MAST4: variants seen among roughly 807,000 people sequenced by gnomAD.
MAST4 encodes microtubule associated serine/threonine kinase family member 4.
A neutral mutation model predicts 162.7 loss-of-function variants in MAST4; 89 were observed. The ratio of observed to expected loss-of-function variants is 0.55; its 90% CI spans 0.46 to 0.65. The LOEUF is 0.65. Among genes scored for constraint, MAST4 ranks in the 30% least tolerant of loss-of-function variants. The probability of loss-of-function intolerance (pLI) is 0.00; values close to 1 mark genes in which losing one functional copy is unlikely to be tolerated. For synonymous variants in MAST4, 1,479 were observed against 1,361.1 expected (o/e 1.09, Z -1.91); for missense variants, 3,153 against 3,374.0 (o/e 0.93, Z 1.62).
chr5:67,092,842 G>A (rs962997737), intron 6 of MAST4, among the ~76,000 whole-genome samples: 4 of 121,864 alleles, frequency 3.3e-5, no homozygotes, highest in African/African-American at 1.9e-4. Flanking sequence ...ATTGGCTCTG[G>A]TTGTCATTTC....
At chr5:66,948,883 A>ATATATTAT (rs1744342428) in intron 4 of MAST4, among the ~76,000 whole-genome samples, 1 of 152,138 alleles carries the variant, frequency 6.6e-6, no homozygotes, top group Non-Finnish European at 1.5e-5. Context: ...ACTTAATATA[A>ATATATTAT]AACAGTGACT....
At chr5:66,786,881 A>G (rs866043424) in intron 2 of MAST4, among the ~76,000 whole-genome samples, 62 of 152,322 alleles carry the variant, frequency 4.1e-4, no homozygotes, top group African/African-American at 1.4e-3. Flanking sequence ...CATTTGCTAC[A>G]TTTATTTGCT....
intron 1 of MAST4, among the ~76,000 whole-genome samples, chr5:66,698,628 C>A (rs1749565556): frequency 1.3e-5 from 2 of 152,166 alleles, no homozygotes; most frequent in African/African-American, 2.4e-5. Flanking sequence ...ATCTCTGGCT[C>A]CAGCACTGAT....
At chr5:66,663,750 T>G (rs1298369236) in intron 1 of MAST4, among the ~76,000 whole-genome samples, 1 of 152,212 alleles carries the variant, frequency 6.6e-6, no homozygotes, top group African/African-American at 2.4e-5. Context: ...TTTAGAACTT[T>G]GCTTTTTATA....
intron 4 of MAST4, among the ~76,000 whole-genome samples, chr5:66,970,715 C>T (rs138884269): frequency 6.6e-6 from 1 of 152,330 alleles, no homozygotes; most frequent in East Asian, 1.9e-4. Flanking sequence ...GGCTTAGTGT[C>T]CAGCATTGAT....
At chr5:66,722,126 C>T (rs1216693398) in intron 1 of MAST4, among the ~76,000 whole-genome samples, 1 of 152,118 alleles carries the variant, frequency 6.6e-6, no homozygotes, top group Non-Finnish European at 1.5e-5. Flanking sequence ...AGATGTCAGC[C>T]AGACCACTCT....
Position 66,596,969 on chromosome 5 carries a change from C to T in MAST4, c.314C>T (p.Pro105Leu), listed in dbSNP as rs777268315. The T allele has an allele frequency of 3.5e-6, 5 of 1,446,128 alleles. No individual in the cohort carries two copies. In the South Asian group the frequency reaches 4.1e-5, roughly 12 times the overall value. 89.6% of individuals were successfully genotyped at this position (1,446,128 alleles called of 1,614,324 possible). A position where few individuals can be genotyped will look rare whatever the true frequency, so the allele number is the denominator to read the frequency against. The change falls in exon 1 of 29, where the codon CCG (proline) becomes CTG (leucine). Residue 105 changes from proline to leucine, a missense_variant. By Grantham distance (98) the Pro-to-Leu change is moderately conservative. Coordinates refer to ENST00000403625, the MANE Select transcript of MAST4 (RefSeq NM_001164664.2). ...LPPPLPGGAV[P>L]PAPRGSSASQ... ...CCGCCGCTTCCCGGAGGAGCTGTGC[C>T]GCCCGCGCCCCGGGGCAGCAGCGCG...
At chr5:66,601,094 C>A (rs1742523182) in intron 1 of MAST4, among the ~76,000 whole-genome samples, 1 of 152,132 alleles carries the variant, frequency 6.6e-6, no homozygotes, top group Non-Finnish European at 1.5e-5. Context: ...GGGGGTTTCC[C>A]ACGTGTACTA....
Position 67,121,085 on chromosome 5 carries a change from T to A in MAST4, c.1728T>A (p.Ile576=), listed in dbSNP as rs750183706. The change falls in exon 14 of 29, where the codon ATT becomes ATA. Residue 576 remains isoleucine, a synonymous_variant. Coordinates refer to ENST00000403625, the MANE Select transcript of MAST4 (RefSeq NM_001164664.2). ...GTGATTTTGAAACGATTAAATTGAT[T>A]AGCAATGGAGCCTATGGGTGAGTAA... ...RESDFETIKL[I]SNGAYGAVYF... is the part of the protein sequence containing the mutation. 1.2e-6 allele frequency: 2 copies of A among 1,608,050 alleles called. No individual in the cohort carries two copies. The highest frequency in any genetic ancestry group is 1.1e-5 in the South Asian group (1 of 89,506).
chr5:66,670,452 A>G (rs981719665), intron 1 of MAST4, among the ~76,000 whole-genome samples: 8 of 152,158 alleles, frequency 5.3e-5, no homozygotes, highest in Admixed American at 4.6e-4. Context: ...CGAGTTTATT[A>G]TAAATCAGGA....
chr5:66,780,873 A>C (rs1262979033), intron 2 of MAST4, among the ~76,000 whole-genome samples: 1 of 152,202 alleles, frequency 6.6e-6, no homozygotes, highest in Non-Finnish European at 1.5e-5. Flanking sequence ...CAGAGCGCTG[A>C]TTGGTGCGTT....
Position 67,165,838 on chromosome 5 carries a change from G to A in MAST4, c.6659G>A (p.Gly2220Glu), listed in dbSNP as rs1324353519. 2 of 1,613,010 alleles carry A rather than the reference G, an allele frequency of 1.2e-6. No homozygotes were observed. Among genetic ancestry groups the A allele is most frequent in the Non-Finnish European group, 1.7e-6 (2 of 1,179,858 alleles). ...RSLSSQKPSV[G>E]ATKGKEPATQ... ...CTCTCCTCTCAGAAACCAAGTGTCG[G>A]GGCCACAAAGGGCAAAGAGCCTGCC... The change falls in exon 29 of 29, where the codon GGG becomes GAG. Residue 2220 changes from glycine (G) to glutamate (E), a missense_variant. Physicochemically the swap from Gly to Glu is moderately conservative, Grantham distance 98. This residue lies in a region of MAST4 where 1,644 missense variants were observed against 1,495.0 expected (regional missense o/e 1.10). Transcript: ENST00000403625.
At chr5:66,927,469 T>G (rs1388645570) in intron 4 of MAST4, among the ~76,000 whole-genome samples, 1 of 152,206 alleles carries the variant, frequency 6.6e-6, no homozygotes, top group Non-Finnish European at 1.5e-5. Context: ...CTCATAGTAG[T>G]ATATGATCCC....
intron 8 of MAST4, among the ~76,000 whole-genome samples, chr5:67,100,847 A>G (rs1409565786): frequency 6.6e-6 from 1 of 152,216 alleles, no homozygotes; most frequent in Admixed American, 6.5e-5. Flanking sequence ...TACCTATGAA[A>G]ACATCTAGCC....
At chr5:66,912,765 G>T (rs973136352) in intron 4 of MAST4, among the ~76,000 whole-genome samples, 3 of 152,022 alleles carry the variant, frequency 2.0e-5, no homozygotes, top group South Asian at 2.1e-4. Context: ...GAAAGATGTT[G>T]GTTGGTCATA....
At chr5:66,654,965 G>C (rs1253113379) in intron 1 of MAST4, among the ~76,000 whole-genome samples, 2 of 152,040 alleles carry the variant, frequency 1.3e-5, no homozygotes, top group African/African-American at 4.8e-5. Context: ...AGGGACCTAG[G>C]TTCAATTATA....
chr5:66,815,827 C>T lies in MAST4; in HGVS notation c.642+27033C>T, dbSNP rs1756690240. The stretch of plus-strand genomic sequence containing the variant: ...GTTGAAGTGTACAATTAACAGGCTC[C>T]TCACAAACGTCCTTACCTGCTGTCC... On this transcript the variant is annotated intron_variant, in intron 3 of 28. Transcript: ENST00000403625. 2.0e-5 allele frequency among the ~76,000 whole-genome samples: 3 copies of T among 152,176 alleles called. No homozygotes were observed. The South Asian group carries it at 6.2e-4, about 32-fold the overall frequency.
chr5:67,164,213 G>C lies in MAST4; in HGVS notation c.5034G>C (p.Lys1678Asn). 6.2e-7 allele frequency: 1 copy of C among 1,613,608 alleles called. No individual in the cohort carries two copies. Among genetic ancestry groups the C allele is most frequent in the Non-Finnish European group, 8.5e-7 (1 of 1,179,738 alleles). Residue 1678 changes from lysine to asparagine, a missense_variant, in exon 29 of 29, where the codon AAG becomes AAC. Coordinates refer to ENST00000403625, the MANE Select transcript of MAST4 (RefSeq NM_001164664.2). The surrounding 1 kb of genome is among the most constrained non-coding windows in gnomAD (Gnocchi z 5.3). ...SQAKELLRCE[K>N]LDSKLANIDY... ...CCAAGGAGCTTCTCCGATGTGAAAA[G>C]TTAGACAGCAAGCTGGCCAACATCG...
At chr5:66,911,469 A>G (rs1394936402) in intron 4 of MAST4, among the ~76,000 whole-genome samples, 2 of 151,012 alleles carry the variant, frequency 1.3e-5, no homozygotes, top group Non-Finnish European at 3.0e-5. Flanking sequence ...GGAGAGGCCA[A>G]GACAGGGGGA....
Sources: gnomAD v4.1 joint callset for allele counts (sites outside exome capture counted in the v4.1 genomes callset) on GRCh38, gnomAD v4.1.1 for gene constraint, gnomAD v4.1.1 regional missense constraint, Gnocchi (gnomAD v3.1) non-coding constraint, MANE v1.5 for transcripts, NCBI Gene and HGNC (gene_info 2026-07-23, HGNC 2026-07-21) for gene names.